The following PTPRD variants were observed in gnomAD, a reference collection of about 807,000 sequenced individuals.
PTPRD encodes the protein protein tyrosine phosphatase receptor type D.
In PTPRD, 34 loss-of-function variants were observed where a neutral mutation model predicts 214.5. That is an observed-to-expected ratio of 0.16 (90% CI 0.12 to 0.21). The LOEUF (loss-of-function observed/expected upper bound fraction) is 0.21. Among genes scored for constraint, PTPRD ranks in the 10% least tolerant of loss-of-function variants. The pLI is 1.00. For missense variants in PTPRD, 2,545 were observed against 2,398.7 expected, an observed-to-expected ratio of 1.06 and a Z score of -1.27; for synonymous variants, 1,128 against 845.7, an observed-to-expected ratio of 1.33 and a Z score of -5.79.
chr9:9,250,276 C>G (rs2099974929), intron 9 of PTPRD, among the ~76,000 whole-genome samples: 1 of 152,052 alleles, frequency 6.6e-6, no homozygotes, highest in Non-Finnish European at 1.5e-5. Context: ...TGTACCAGTA[C>G]TGATAGAACT....
intron 7 of PTPRD, among the ~76,000 whole-genome samples, chr9:9,639,508 C>T (rs375348105): frequency 3.3e-5 from 5 of 152,110 alleles, no homozygotes; most frequent in Non-Finnish European, 7.4e-5. Context: ...ATCTCAATAC[C>T]TCCAAAATAC....
intron 3 of PTPRD, among the ~76,000 whole-genome samples, chr9:10,281,889 A>G (rs944501360): frequency 1.3e-5 from 2 of 152,164 alleles, no homozygotes; most frequent in Non-Finnish European, 2.9e-5. Context: ...ATCATGTAAT[A>G]CAAACTATTT....
At chr9:8,792,153 G>A (rs913221537) in intron 11 of PTPRD, among the ~76,000 whole-genome samples, 2 of 152,156 alleles carry the variant, frequency 1.3e-5, no homozygotes, top group African/African-American at 4.8e-5. Context: ...GGTAGATTGA[G>A]GGGATAATGC....
At chr9:10,352,714 A>G in intron 2 of PTPRD, among the ~76,000 whole-genome samples, 1 of 152,052 alleles carries the variant, frequency 6.6e-6, no homozygotes, top group Non-Finnish European at 1.5e-5. Context: ...TTATTCAATG[A>G]TGAAGTGGTT....
At chr9:9,747,603 A>G (rs527966007) in intron 6 of PTPRD, among the ~76,000 whole-genome samples, 60 of 148,688 alleles carry the variant, frequency 4.0e-4, no homozygotes, top group Admixed American at 1.8e-3. Context: ...CTGGAGTTCA[A>G]TGGCACCATC....
chr9:9,307,976 C>G (rs1957668423), intron 9 of PTPRD, among the ~76,000 whole-genome samples: 1 of 152,088 alleles, frequency 6.6e-6, no homozygotes, highest in Admixed American at 6.6e-5. Context: ...GACAAGCTAT[C>G]CTGCAAAATT....
intron 2 of PTPRD, among the ~76,000 whole-genome samples, chr9:10,503,217 A>AAAAAAAAAAAAAC (rs1406888502): frequency 6.7e-6 from 1 of 148,716 alleles, no homozygotes; most frequent in Admixed American, 6.7e-5. Flanking sequence ...ACAAAAAAAA[A>AAAAAAAAAAAAAC]CACCATTTTT....
intron 11 of PTPRD, among the ~76,000 whole-genome samples, chr9:8,895,930 G>A (rs569078650): frequency 1.3e-5 from 2 of 152,314 alleles, no homozygotes; most frequent in Admixed American, 6.5e-5. Flanking sequence ...ACACTCCTAG[G>A]AGCCTGTTAA....
intron 11 of PTPRD, among the ~76,000 whole-genome samples, chr9:8,989,117 G>C (rs147216341): frequency 6.6e-6 from 1 of 151,806 alleles, no homozygotes; most frequent in Non-Finnish European, 1.5e-5. Context: ...ATATTTTTGG[G>C]GGGCACATGT....
chr9:8,854,577 A>G (rs74967455), intron 11 of PTPRD, among the ~76,000 whole-genome samples: 1 of 152,144 alleles, frequency 6.6e-6, no homozygotes, highest in African/African-American at 2.4e-5. Context: ...AAAATCAACG[A>G]AAGAACAGTT....
At chr9:10,398,523 G>C (rs2154494535) in intron 2 of PTPRD, among the ~76,000 whole-genome samples, 1 of 152,070 alleles carries the variant, frequency 6.6e-6, no homozygotes, top group South Asian at 2.1e-4. Context: ...GGGTGGACCT[G>C]AAGACTTCCA....
chr9:9,940,536 T>A (rs183410768), intron 4 of PTPRD, among the ~76,000 whole-genome samples: 190 of 152,308 alleles, frequency 1.2e-3, no homozygotes, highest in African/African-American at 4.1e-3. Flanking sequence ...TCTAGACCGA[T>A]AACTTTTATA....
chr9:8,344,837 T>C (rs1413248888), intron 39 of PTPRD, among the ~76,000 whole-genome samples: 1 of 151,950 alleles, frequency 6.6e-6, no homozygotes, highest in South Asian at 2.1e-4. Context: ...CAGTTAACTC[T>C]TATTAACGTT....
chr9:9,086,676 C>T lies in PTPRD; in HGVS notation c.-142-67941G>A, dbSNP rs1294272920. On this transcript the variant is annotated intron_variant, in intron 10 of 45. Coordinates refer to ENST00000381196, the MANE Select transcript of PTPRD (RefSeq NM_002839.4). ...AATTCTGTACATCAGGATGCCATTC[C>T]CTTGGTCCCAGCTGAAGTGACTAAC... 2.0e-5 allele frequency among the ~76,000 whole-genome samples: 3 copies of T among 152,222 alleles called. No homozygotes were observed. The East Asian group carries it at 5.8e-4, about 29-fold the overall frequency.
intron 33 of PTPRD, among the ~76,000 whole-genome samples, chr9:8,455,188 T>C (rs1187070426): frequency 6.6e-6 from 1 of 152,226 alleles, no homozygotes; most frequent in Non-Finnish European, 1.5e-5. Flanking sequence ...TTTTTTCCCA[T>C]GAAGGATTAA....
At chr9:9,435,067 C>T (rs1166935652) in intron 8 of PTPRD, among the ~76,000 whole-genome samples, 2 of 151,768 alleles carry the variant, frequency 1.3e-5, no homozygotes, top group African/African-American at 4.8e-5. Context: ...ATAATTTAAA[C>T]TCTTTTAATG....
chr9:8,766,757 G>T (rs2094784434), intron 11 of PTPRD, among the ~76,000 whole-genome samples: 1 of 152,116 alleles, frequency 6.6e-6, no homozygotes, highest in Non-Finnish European at 1.5e-5. Context: ...TTGTTTTTAT[G>T]AATCTTTCTT....
intron 8 of PTPRD, among the ~76,000 whole-genome samples, chr9:9,472,199 TTTTTTTTC>T (rs1467495733): frequency 4.3e-5 from 4 of 93,152 alleles, no homozygotes; most frequent in African/African-American, 7.2e-5. Context: ...CTTTTTTTTT[TTTTTTTTC>T]TTTTTTTGAG....
At chr9:9,496,680 A>G (rs1589887110) in intron 8 of PTPRD, among the ~76,000 whole-genome samples, 1 of 152,202 alleles carries the variant, frequency 6.6e-6, no homozygotes, top group East Asian at 1.9e-4. Context: ...GCTGCTGTGG[A>G]CAGTGTTATG....
Sources: gnomAD v4.1 joint callset for allele counts (sites outside exome capture counted in the v4.1 genomes callset) on GRCh38, gnomAD v4.1.1 for gene constraint, MANE v1.5 for transcripts, NCBI Gene and HGNC (gene_info 2026-07-23, HGNC 2026-07-21) for gene names.